The following PMM2 variants were observed in gnomAD, a reference collection of about 807,000 sequenced individuals.
PMM2 encodes phosphomannomutase 2.
Under a neutral mutation model 33.2 loss-of-function variants are expected in PMM2, and 35 were observed. The observed-to-expected ratio is 1.06, with a 90% CI of 0.81 to 1.40. The LOEUF (loss-of-function observed/expected upper bound fraction) is 1.40. Among genes scored for constraint, PMM2 ranks in the 40% most tolerant of loss-of-function variants. The probability of loss-of-function intolerance (pLI) is 0.00; values close to 1 mark genes in which losing one functional copy is unlikely to be tolerated. For synonymous variants in PMM2, 153 were observed against 114.7 expected, an observed-to-expected ratio of 1.33 and a Z score of -2.13; for missense variants, 386 against 306.0, an observed-to-expected ratio of 1.26 and a Z score of -1.95.
chr16:8,816,671 G>A (rs370009575), intron 7 of PMM2, among the ~76,000 whole-genome samples: 2 of 152,218 alleles, frequency 1.3e-5, no homozygotes, highest in South Asian at 4.1e-4. Flanking sequence ...AACCCGGGAG[G>A]TGGAGGTTGC....
At position 8,806,407 on chromosome 16, in the gene PMM2, G is replaced by T. The variant is rs1368978346; in HGVS notation, c.347G>T (p.Arg116Met). ...YIAKIKLPKK[R>M]GTFIEFRNGM... The stretch of plus-strand genomic sequence containing the variant: ...GCGAAAATTAAACTCCCGAAGAAGA[G>T]GTGGGTTTGCTTTTAACAAAGAGGC... Residue 116 changes from arginine to methionine, a missense_variant and splice_region_variant, in exon 4 of 8, where the codon AGG (arginine) becomes ATG (methionine). Physicochemically the swap from Arg to Met is moderately conservative, Grantham distance 91. Transcript: ENST00000268261. 6.2e-7 allele frequency: 1 copy of T among 1,607,086 alleles called. No homozygotes were observed. Among genetic ancestry groups the T allele is most frequent in the Non-Finnish European group, 8.5e-7 (1 of 1,173,546 alleles).
rs750388534 is a variant in PMM2 at position 8,811,127 on chromosome 16, T to A, written c.396T>A (p.Ile132=). The A allele has an allele frequency of 1.3e-5, 20 of 1,578,012 alleles. No individual in the cohort carries two copies. Among genetic ancestry groups the A allele is most frequent in the South Asian group, 6.9e-5 (6 of 87,138 alleles). The change falls in exon 5 of 8, where the codon ATT becomes ATA. Residue 132 remains isoleucine (I), a synonymous_variant. Coordinates refer to ENST00000268261, the MANE Select transcript of PMM2 (RefSeq NM_000303.3). Reference sequence around the variant, plus strand: ...ATGGGATGTTAAACGTGTCCCCTATTGGAAGAAGCTGCAGCCAAGAAGAAC... The same window carrying A: ...ATGGGATGTTAAACGTGTCCCCTATAGGAAGAAGCTGCAGCCAAGAAGAAC... ...FRNGMLNVSP[I]GRSCSQEERI... is the part of the protein sequence containing the mutation.
intron 1 of PMM2, among the ~76,000 whole-genome samples, chr16:8,798,562 T>C (rs886941291): frequency 6.6e-6 from 1 of 152,148 alleles, no homozygotes; most frequent in Non-Finnish European, 1.5e-5. Flanking sequence ...AGTAGCCACC[T>C]CCACCACACC....
intron 7 of PMM2, among the ~76,000 whole-genome samples, chr16:8,829,534 C>G (rs1221894919): frequency 6.6e-6 from 1 of 152,220 alleles, no homozygotes; most frequent in Non-Finnish European, 1.5e-5. Context: ...CATGACAAAA[C>G]TAGTCACTAT....
At chr16:8,804,695 T>C (rs2060636582) in intron 2 of PMM2, 72 bp from the exon 3 acceptor site, 3 of 981,858 alleles carry the variant, frequency 3.1e-6, no homozygotes, top group South Asian at 1.3e-5. Flanking sequence ...TTGGTGGTCA[T>C]TGTTAATCAA....
chr16:8,816,387 A>C (rs781201198), intron 7 of PMM2, among the ~76,000 whole-genome samples: 3 of 151,064 alleles, frequency 2.0e-5, no homozygotes, highest in African/African-American at 7.3e-5. Context: ...TGACCTCCCA[A>C]AGTGCTAGGC....
chr16:8,812,025 T>A (rs1426612957), intron 6 of PMM2, among the ~76,000 whole-genome samples: 1 of 152,186 alleles, frequency 6.6e-6, no homozygotes, highest in Non-Finnish European at 1.5e-5. Context: ...TAGGAACTTC[T>A]CACACCTTTG....
chr16:8,806,542 C>T (rs187951041), intron 4 of PMM2, 135 bp downstream of exon 4: 70 of 699,076 alleles, frequency 1.0e-4, no homozygotes, highest in African/African-American at 8.8e-4. Flanking sequence ...ATATTTAGCC[C>T]GCCCCTTGGC....
intron 7 of PMM2, among the ~76,000 whole-genome samples, chr16:8,831,107 C>A (rs951304968): frequency 2.6e-5 from 4 of 152,062 alleles, no homozygotes; most frequent in African/African-American, 9.7e-5. Context: ...CCACTGCACT[C>A]CACCTTGGTG....
At chr16:8,841,121 A>AGG (rs879944601) in intron 7 of PMM2, among the ~76,000 whole-genome samples, 6,189 of 150,870 alleles carry the variant, frequency 0.041, 210 homozygotes, top group Middle Eastern at 0.13. Context: ...GAGCTTGGTG[A>AGG]TGTGTACCTT....
intron 7 of PMM2, among the ~76,000 whole-genome samples, chr16:8,820,207 T>G (rs111715840): frequency 0.012 from 1,899 of 151,964 alleles, 41 homozygotes; most frequent in African/African-American, 0.043. Context: ...AATAAACAAA[T>G]AAAGAAAAAC....
rs947826258 is a variant in PMM2, at chr16:8,824,861, G to A, written c.639+11755G>A. On this transcript the variant is annotated intron_variant, in intron 7 of 7. Transcript: ENST00000268261. The stretch of plus-strand genomic sequence containing the variant: ...TTTCTAAACAACAAAACCCAGTGAA[G>A]ATAGCATGAGGCCAACTGAATCTTT... Among the ~76,000 whole-genome samples the A allele has an allele frequency of 2.2e-4, 33 of 152,148 alleles. 1 individual carries two copies. Among genetic ancestry groups the A allele is most frequent in the African/African-American group, 8.0e-4 (33 of 41,436 alleles).
intron 7 of PMM2, among the ~76,000 whole-genome samples, chr16:8,841,848 TAAC>T (rs1190631218): frequency 6.8e-6 from 1 of 147,242 alleles, no homozygotes; most frequent in South Asian, 2.2e-4. Context: ...TTGTGGGACT[TAAC>T]AAAGAGTGAG....
chr16:8,813,107 G>A lies in PMM2; in HGVS notation c.639+1G>A, dbSNP rs1057517183. 2 of 1,546,032 alleles carry A rather than the reference G, an allele frequency of 1.3e-6. No individual in the cohort carries two copies. Among genetic ancestry groups the A allele is most frequent in the East Asian group, 2.2e-5 (1 of 44,570 alleles). On this transcript the variant is annotated splice_donor_variant, in intron 7 of 7. Coordinates refer to ENST00000268261, the MANE Select transcript of PMM2 (RefSeq NM_000303.3). LOFTEE classifies it high-confidence loss of function. Reference sequence around the variant, plus strand: ...TTTCTTTGGAGACAAAACTATGCCAGTAAGTAGAGAAGTGTTTGTGCACCT... The same window carrying A: ...TTTCTTTGGAGACAAAACTATGCCAATAAGTAGAGAAGTGTTTGTGCACCT...
chr16:8,833,165 C>T (rs2060821698), intron 7 of PMM2, among the ~76,000 whole-genome samples: 1 of 152,138 alleles, frequency 6.6e-6, no homozygotes. Context: ...GGTGGATTAT[C>T]ATTAGTTCTT....
Position 8,811,165 on chromosome 16 carries a change from A to G in PMM2, c.434A>G (p.Tyr145Cys), listed in dbSNP as rs374967404. Reference protein sequence around the residue: ...SCSQEERIEFYELDKKENIRQ... With the variant: ...SCSQEERIEFCELDKKENIRQ... The stretch of plus-strand genomic sequence containing the variant: ...AGCCAAGAAGAACGCATTGAGTTCT[A>G]CGAACTCGATAAAGTACGTCTTTCT... The change falls in exon 5 of 8, where the codon TAC becomes TGC. Residue 145 changes from tyrosine (Y) to cysteine (C), a missense_variant. Transcript: ENST00000268261. 5.1e-6 allele frequency: 8 copies of G among 1,557,102 alleles called. No homozygotes were observed. In the African/African-American group the frequency reaches 8.2e-5, roughly 16 times the overall value.
intron 7 of PMM2, among the ~76,000 whole-genome samples, chr16:8,842,022 A>T (rs1038595133): frequency 2.0e-5 from 3 of 150,986 alleles, no homozygotes; most frequent in Non-Finnish European, 4.4e-5. Flanking sequence ...GCACGCAGAC[A>T]TGAGGGCTAG....
intron 7 of PMM2, among the ~76,000 whole-genome samples, chr16:8,822,194 T>TGGAA (rs997798408): frequency 1.3e-5 from 2 of 151,146 alleles, no homozygotes; most frequent in Non-Finnish European, 2.9e-5. Flanking sequence ...TCATAGGGGG[T>TGGAA]GGAAGTGAGT....
intron 7 of PMM2, among the ~76,000 whole-genome samples, chr16:8,840,580 G>A (rs952064789): frequency 4.6e-5 from 7 of 151,996 alleles, no homozygotes; most frequent in African/African-American, 1.4e-4. Flanking sequence ...ATGAAGGGAT[G>A]TATTAGGCTC....
Sources: allele counts gnomAD v4.1 joint callset (sites outside exome capture counted in the v4.1 genomes callset), GRCh38; gene constraint gnomAD v4.1.1; transcripts MANE v1.5; gene names NCBI Gene and HGNC (gene_info 2026-07-23, HGNC 2026-07-21).